Variants in C4orf50 observed in about 807,000 individuals in gnomAD.
C4orf50 encodes uncharacterized protein C4orf50.
Under a neutral mutation model 77.2 loss-of-function variants are expected in C4orf50, and 80 were observed. The ratio of observed to expected loss-of-function variants is 1.04; its 90% CI spans 0.87 to 1.25. C4orf50 has a LOEUF of 1.25. Ranked by LOEUF, C4orf50 falls within the 50% of genes most tolerant of loss-of-function variation. The pLI is 0.00. For missense variants in C4orf50, 1,257 were observed against 1,152.9 expected, an observed-to-expected ratio of 1.09 and a Z score of -1.31; for synonymous variants, 532 against 465.3, an observed-to-expected ratio of 1.14 and a Z score of -1.84.
chr4:5,986,234 G>T (rs1720847575), intron 28 of C4orf50, among the ~76,000 whole-genome samples: 1 of 152,122 alleles, frequency 6.6e-6, no homozygotes, highest in South Asian at 2.1e-4. Context: ...GTTGGCCATA[G>T]ACCACAACCT....
intron 30 of C4orf50, among the ~76,000 whole-genome samples, chr4:5,974,129 G>A (rs565607723): frequency 7.2e-5 from 11 of 152,348 alleles, no homozygotes; most frequent in Admixed American, 7.2e-4. Context: ...CCACGGACCA[G>A]CTCTGTGAGC....
At position 6,009,446 on chromosome 4, in the gene C4orf50, C is replaced by G. The variant is rs1722394310; in HGVS notation, c.427-914G>C. On this transcript the variant is annotated intron_variant, in intron 24 of 33. Transcript: ENST00000531445. The surrounding 1 kb of genome is among the most constrained non-coding windows in gnomAD (Gnocchi z 5.6). ...AGAGGAAACCTGGAAACAGCTCAGA[C>G]AAGCTTTGTTTGATAGTTTTGGGGA... Among the ~76,000 whole-genome samples, 1 of 152,210 alleles carries G rather than the reference C, an allele frequency of 6.6e-6. No individual in the cohort carries two copies. Among genetic ancestry groups the G allele is most frequent in the Non-Finnish European group, 1.5e-5 (1 of 68,044 alleles).
At chr4:5,952,479 C>G (rs1718772167), downstream of C4orf50, among the ~76,000 whole-genome samples, 1 of 152,198 alleles carries the variant, frequency 6.6e-6, no homozygotes, top group South Asian at 2.1e-4. This position sits in a 1 kb window ranked among gnomAD's most constrained non-coding sequence, Gnocchi z 4.4. Flanking sequence ...GGCCCCTCCT[C>G]AGAAGCAGCG....
chr4:5,914,141 C>G lies in C4orf50; in HGVS notation c.*2475-15953G>C, dbSNP rs184220180. The stretch of plus-strand genomic sequence containing the variant: ...ATTATGAATATTGTATGGAAACTTA[C>G]CCGCAGGGATAAAAAAGAATATGAG... On this transcript the variant is annotated intron_variant, in intron 7 of 7. Coordinates refer to the C4orf50 transcript ENST00000324058. Among the ~76,000 whole-genome samples the G allele has an allele frequency of 3.9e-4, 59 of 151,530 alleles. No homozygotes were observed. In the East Asian group the frequency reaches 9.3e-3, roughly 24 times the overall value.
At chr4:5,968,813 G>A (rs1278552321) in intron 31 of C4orf50, among the ~76,000 whole-genome samples, 1 of 152,242 alleles carries the variant, frequency 6.6e-6, no homozygotes, top group Middle Eastern at 3.4e-3. Flanking sequence ...CTGGGGTTTT[G>A]TTCGCCTTCG....
At chr4:5,989,699 G>T in exon 28 of C4orf50, 1 of 1,536,138 alleles carries the variant, frequency 6.5e-7, no homozygotes, top group East Asian at 2.4e-5. Context: ...TGATCAGTGG[G>T]TTCGGCCCCT....
At chr4:5,945,043 G>A (rs1472275797) in intron 7 of C4orf50, among the ~76,000 whole-genome samples, 1 of 152,142 alleles carries the variant, frequency 6.6e-6, no homozygotes, top group Non-Finnish European at 1.5e-5. Context: ...CTCCACGCCT[G>A]TCCCCACATT....
Position 6,007,415 on chromosome 4 carries a change from G to A in C4orf50, c.963+581C>T, listed in dbSNP as rs1164765876. The stretch of plus-strand genomic sequence containing the variant: ...GAAGGCTCCCTCTCCCTCCTGCCCT[G>A]TGAGGACCTAGTGAGAAGGCACCAT... On this transcript the variant is annotated intron_variant, in intron 25 of 33. Coordinates refer to ENST00000531445, the Ensembl canonical transcript of C4orf50. The surrounding 1 kb of genome is among the most constrained non-coding windows in gnomAD (Gnocchi z 4.1). Among the ~76,000 whole-genome samples the A allele has an allele frequency of 6.6e-6, 1 of 152,096 alleles. No individual in the cohort carries two copies. Among genetic ancestry groups the A allele is most frequent in the Non-Finnish European group, 1.5e-5 (1 of 68,016 alleles).
chr4:5,962,931 G>C (rs1489575069), intron 33 of C4orf50, among the ~76,000 whole-genome samples: 3 of 151,886 alleles, frequency 2.0e-5, no homozygotes, highest in African/African-American at 7.3e-5. Context: ...ATGCCTCATG[G>C]ACACTCATCC....
At chr4:5,980,317 C>T (rs1407588977) in exon 29 of C4orf50, 1 of 1,611,464 alleles carries the variant, frequency 6.2e-7, no homozygotes, top group Non-Finnish European at 8.5e-7. Context: ...TCCTCAGTAA[C>T]CTCGGCCTCT....
chr4:6,004,280 G>GTGGTGATGGTGA (rs1577992500), intron 25 of C4orf50, among the ~76,000 whole-genome samples: 3 of 42,290 alleles, frequency 7.1e-5, no homozygotes, highest in African/African-American at 1.8e-4. Context: ...GATGGTGATG[G>GTGGTGATGGTGA]TGATGTTGGT....
At chr4:6,004,337 T>G (rs1252205985) in intron 25 of C4orf50, among the ~76,000 whole-genome samples, 1 of 125,364 alleles carries the variant, frequency 8.0e-6, no homozygotes. Context: ...GTGATGATGG[T>G]GATGGTGATG....
chr4:5,911,419 T>C (rs1315177179), intron 7 of C4orf50, among the ~76,000 whole-genome samples: 1 of 152,190 alleles, frequency 6.6e-6, no homozygotes, highest in Non-Finnish European at 1.5e-5. Context: ...TGAGACTTGC[T>C]AGAATGTGTG....
rs115924536 is a variant in C4orf50 at position 5,917,688 on chromosome 4, C to G, written c.*2475-19500G>C. 6.8e-3 allele frequency among the ~76,000 whole-genome samples: 1,035 copies of G among 152,158 alleles called. 15 individuals carry two copies. Among genetic ancestry groups the G allele is most frequent in the African/African-American group, 0.023 (966 of 41,522 alleles). On this transcript the variant is annotated intron_variant, in intron 7 of 7. Transcript: ENST00000324058. The stretch of plus-strand genomic sequence containing the variant: ...TGGCCTCCCAAAGTGCAGGCATGAG[C>G]CACTATGCCTGGCCAATTTCTGTAT...
intron 7 of C4orf50, among the ~76,000 whole-genome samples, chr4:5,927,191 T>C (rs1324658598): frequency 2.0e-5 from 3 of 152,104 alleles, no homozygotes; most frequent in Non-Finnish European, 2.9e-5. Flanking sequence ...GGACAGGCCA[T>C]GGAAGAGACA....
At chr4:6,004,176 A>T (rs867047227) in intron 25 of C4orf50, among the ~76,000 whole-genome samples, 38 of 100,964 alleles carry the variant, frequency 3.8e-4, no homozygotes, top group African/African-American at 1.4e-3. Flanking sequence ...GATGATGGTG[A>T]TGATGGTGAT....
At chr4:5,959,393 C>G (rs368880548) in exon 34 of C4orf50, 1 of 1,613,870 alleles carries the variant, frequency 6.2e-7, no homozygotes, top group African/African-American at 1.3e-5. Flanking sequence ...CTAACTCCAG[C>G]GGTGATTTAT....
At chr4:5,969,355 T>C (rs9996280) in intron 31 of C4orf50, among the ~76,000 whole-genome samples, 42,175 of 150,942 alleles carry the variant, frequency 0.28, 7,036 homozygotes, top group African/African-American at 0.46. Context: ...AATTCTTCAA[T>C]CGTCTGAGTA....
At chr4:5,997,151 G>A (rs73196047) in intron 25 of C4orf50, among the ~76,000 whole-genome samples, 9,858 of 152,270 alleles carry the variant, frequency 0.065, 343 homozygotes, top group African/African-American at 0.076. Context: ...TAGAAAAAGG[G>A]AGAGGCTGGG....
Sources: gnomAD v4.1 joint callset for allele counts (sites outside exome capture counted in the v4.1 genomes callset) on GRCh38, gnomAD v4.1.1 for gene constraint, Gnocchi (gnomAD v3.1) non-coding constraint, MANE v1.5 for transcripts, NCBI Gene and HGNC (gene_info 2026-07-23, HGNC 2026-07-21) for gene names.